CA5A: variants seen among roughly 807,000 people sequenced by gnomAD.
CA5A encodes carbonic anhydrase 5A, also known as carbonic anhydrase 5A, mitochondrial.
Under a neutral mutation model 37.1 loss-of-function variants are expected in CA5A, and 28 were observed. That is an observed-to-expected ratio of 0.75 (90% CI 0.56 to 1.03). The LOEUF (loss-of-function observed/expected upper bound fraction) is 1.03. Among genes scored for constraint, CA5A ranks in the 50% least tolerant of loss-of-function variants. The pLI is 0.00. For missense variants in CA5A, 444 were observed against 399.9 expected, an observed-to-expected ratio of 1.11 and a Z score of -0.94; for synonymous variants, 171 against 158.4, an observed-to-expected ratio of 1.08 and a Z score of -0.60.
intron 1 of CA5A, among the ~76,000 whole-genome samples, chr16:87,931,720 G>C (rs1048290806): frequency 3.3e-5 from 5 of 152,156 alleles, no homozygotes; most frequent in Non-Finnish European, 5.9e-5. Flanking sequence ...GTCACACACA[G>C]AACTCGCTAA....
chr16:87,926,683 G>C, intron 2 of CA5A, 65 bp downstream of exon 2: 2 of 1,306,630 alleles, frequency 1.5e-6, no homozygotes, highest in Non-Finnish European at 2.2e-6. Flanking sequence ...TCTCCGCGAA[G>C]CTCTTGACCC....
intron 2 of CA5A, among the ~76,000 whole-genome samples, chr16:87,918,663 C>G (rs977167935): frequency 6.6e-6 from 1 of 152,196 alleles, no homozygotes; most frequent in Non-Finnish European, 1.5e-5. Context: ...GCACCTTGTC[C>G]GCTCCCTTCC....
At chr16:87,929,443 T>C (rs1335264899) in intron 1 of CA5A, among the ~76,000 whole-genome samples, 1 of 136,760 alleles carries the variant, frequency 7.3e-6, no homozygotes, top group Non-Finnish European at 1.6e-5. Flanking sequence ...CAAGAGCAAA[T>C]TCGGTCTCAA....
At chr16:87,926,609 A>T in intron 2 of CA5A, 139 bp downstream of exon 2, 1 of 673,874 alleles carries the variant, frequency 1.5e-6, no homozygotes, top group East Asian at 2.6e-5. Context: ...TCCTCCCTCA[A>T]GCGAGTCTCT....
chr16:87,923,632 G>T (rs2056260522), intron 2 of CA5A: 1 of 985,336 alleles, frequency 1.0e-6, no homozygotes, highest in African/African-American at 1.7e-5. Context: ...CCAGCTGAGG[G>T]CTGGGTGTCA....
rs183015737 is a variant in CA5A at position 87,898,860 on chromosome 16, G to A, written c.618+3052C>T. On this transcript the variant is annotated intron_variant, in intron 5 of 6. Coordinates refer to ENST00000649794, the MANE Select transcript of CA5A (RefSeq NM_001739.2). The stretch of plus-strand genomic sequence containing the variant: ...AGCGATTCTCCTGCCTCAGCCTCCT[G>A]AGTAGCTGGGATTACAGGAGTGTGC... Among the ~76,000 whole-genome samples, 4 of 151,398 alleles carry A rather than the reference G, an allele frequency of 2.6e-5. No homozygotes were observed. The East Asian group carries it at 7.8e-4, about 30-fold the overall frequency.
chr16:87,893,774 C>G (rs188951500), intron 5 of CA5A: 1 of 402,288 alleles, frequency 2.5e-6, no homozygotes, highest in Admixed American at 3.1e-5. Context: ...AATACACTCA[C>G]AGCCAAAAAA....
At chr16:87,882,995 G>A (rs1459543624) in intron 4 of CA5A, 3 of 152,226 alleles carry the variant, frequency 2.0e-5, no homozygotes, top group Non-Finnish European at 2.9e-5. Flanking sequence ...TCCACCTCCT[G>A]GGTTCAAGCG....
At chr16:87,932,029 A>T (rs889635612) in intron 1 of CA5A, among the ~76,000 whole-genome samples, 8 of 151,176 alleles carry the variant, frequency 5.3e-5, no homozygotes, top group African/African-American at 1.9e-4. Context: ...CAGGAGAATC[A>T]CTTGAACTCA....
intron 1 of CA5A, among the ~76,000 whole-genome samples, chr16:87,929,741 G>T (rs1016125375): frequency 6.6e-6 from 1 of 150,564 alleles, no homozygotes; most frequent in South Asian, 2.1e-4. Flanking sequence ...GCGTGGTGGC[G>T]GGCGCCTGTA....
intron 2 of CA5A, among the ~76,000 whole-genome samples, chr16:87,916,734 C>A (rs1567529662): frequency 6.6e-6 from 1 of 152,208 alleles, no homozygotes; most frequent in African/African-American, 2.4e-5. Flanking sequence ...TTGATCCTTC[C>A]TCCCTACAAA....
intron 2 of CA5A, among the ~76,000 whole-genome samples, chr16:87,907,153 G>C (rs1262599341): frequency 1.3e-5 from 2 of 152,168 alleles, no homozygotes; most frequent in Non-Finnish European, 2.9e-5. Context: ...GGCGGGTGGA[G>C]GTTGCAGTGA....
intron 2 of CA5A, among the ~76,000 whole-genome samples, chr16:87,908,273 C>T (rs1277156887): frequency 2.0e-5 from 3 of 152,188 alleles, no homozygotes; most frequent in African/African-American, 4.8e-5. Flanking sequence ...GTAGCTTAGC[C>T]TCTCTGAGCC....
chr16:87,923,825 G>A (rs1238107201), intron 2 of CA5A: 5 of 985,090 alleles, frequency 5.1e-6, no homozygotes, highest in African/African-American at 3.5e-5. Flanking sequence ...GAATCCCATA[G>A]CAACTCATCT....
intron 2 of CA5A, among the ~76,000 whole-genome samples, chr16:87,926,389 C>T (rs549907597): frequency 3.0e-4 from 45 of 152,176 alleles, no homozygotes; most frequent in Non-Finnish European, 4.4e-4. Flanking sequence ...GCCACCGCTG[C>T]CTTCTGAGTT....
chr16:87,898,797 C>T (rs1208248570), intron 5 of CA5A, among the ~76,000 whole-genome samples: 2 of 149,694 alleles, frequency 1.3e-5, no homozygotes, highest in East Asian at 2.0e-4. Flanking sequence ...TGCAGTGGCA[C>T]GATCTCGGCT....
At chr16:87,903,304 G>A (rs970109500) in intron 3 of CA5A, among the ~76,000 whole-genome samples, 2 of 152,082 alleles carry the variant, frequency 1.3e-5, no homozygotes, top group African/African-American at 4.8e-5. Flanking sequence ...AGTGGCAGGT[G>A]CCTGTAATCC....
rs371017385 is a variant in CA5A at position 87,902,457 on chromosome 16, T to A, written c.523A>T (p.Asn175Tyr). 1 of 1,612,476 alleles carries A rather than the reference T, an allele frequency of 6.2e-7. No individual in the cohort carries two copies. Among genetic ancestry groups the A allele is most frequent in the Admixed American group, 1.7e-5 (1 of 59,980 alleles). ...AACACGCCTATCACAGCCAAACCAT[T>A]CTCTCCCACGACAGCTTCCTTGTAA... ...QNYKEAVVGENGLAVIGVFLK... is the reference protein window; with the variant it reads ...QNYKEAVVGEYGLAVIGVFLK... Residue 175 changes from asparagine to tyrosine, a missense_variant, in exon 4 of 7, where the codon AAT becomes TAT. By Grantham distance (143) the Asn-to-Tyr change is moderately radical. Transcript: ENST00000649794.
chr16:87,890,390 T>C (rs2055695832), intron 6 of CA5A, among the ~76,000 whole-genome samples: 1 of 152,130 alleles, frequency 6.6e-6, no homozygotes, highest in Non-Finnish European at 1.5e-5. Context: ...TAAGGGAATA[T>C]TTTCACAGGC....
Sources: allele counts gnomAD v4.1 joint callset (sites outside exome capture counted in the v4.1 genomes callset), GRCh38; gene constraint gnomAD v4.1.1; transcripts MANE v1.5; gene names NCBI Gene and HGNC (gene_info 2026-07-23, HGNC 2026-07-21).